SLC3A1: variants seen among roughly 807,000 people sequenced by gnomAD.
The protein encoded by SLC3A1 is solute carrier family 3 member 1.
A neutral mutation model predicts 60.3 loss-of-function variants in SLC3A1; 78 were observed. The ratio of observed to expected loss-of-function variants is 1.29; its 90% CI spans 1.08 to 1.56. The LOEUF is 1.56. Among genes scored for constraint, SLC3A1 ranks in the 40% most tolerant of loss-of-function variants. The pLI, the probability that SLC3A1 is intolerant of heterozygous loss-of-function variation, is 0.00. For synonymous variants in SLC3A1, 392 were observed against 307.9 expected, an observed-to-expected ratio of 1.27 and a Z score of -2.86; for missense variants, 1,172 against 858.9, an observed-to-expected ratio of 1.36 and a Z score of -4.56.
Position 44,300,048 on chromosome 2 carries a change from G to C in SLC3A1, c.969G>C (p.Lys323Asn). Residue 323 changes from lysine to asparagine, a missense_variant, in exon 5 of 10, where the codon AAG becomes AAC. Coordinates refer to ENST00000260649, the MANE Select transcript of SLC3A1 (RefSeq NM_000341.4). ...CTGTTAAATTCCTCCTAGAAGCAAA[G>C]CACCTGAGAGATGAGATCCAAGTAA... is the stretch of plus-strand genomic sequence containing the variant. ...LDAVKFLLEA[K>N]HLRDEIQVNK... 1 of 1,613,894 alleles carries C rather than the reference G, an allele frequency of 6.2e-7. No individual in the cohort carries two copies. The highest frequency in any genetic ancestry group is 8.5e-7 in the Non-Finnish European group (1 of 1,179,768).
At chr2:44,302,435 C>G (rs148244677) in intron 6 of SLC3A1, among the ~76,000 whole-genome samples, 1 of 152,292 alleles carries the variant, frequency 6.6e-6, no homozygotes, top group East Asian at 1.9e-4. Flanking sequence ...GAAATTTCAT[C>G]TCCTTAAAGT....
In SLC3A1 at chr2:44,285,872, G is replaced by A. The variant is rs1056693212; in HGVS notation, c.766-160G>A. The A allele has an allele frequency of 7.0e-6, 6 of 862,956 alleles. No individual in the cohort carries two copies. The Admixed American group carries it at 7.2e-5, about 10-fold the overall frequency. The allele number at this position is 862,956 out of a possible 1,614,324, so 53.5% of individuals were successfully genotyped here. ...GTGAGGCATTAGGCCAATGGGGTGGGGGGTATTTGGAAGGGGTTTCTTTAA... is the reference window on the plus strand; with the variant it reads ...GTGAGGCATTAGGCCAATGGGGTGGAGGGTATTTGGAAGGGGTTTCTTTAA... On this transcript the variant is annotated intron_variant, in intron 3 of 9. Transcript: ENST00000260649.
chr2:44,288,054 G>C (rs1671657731), intron 4 of SLC3A1, among the ~76,000 whole-genome samples: 1 of 147,816 alleles, frequency 6.8e-6, no homozygotes, highest in Non-Finnish European at 1.5e-5. Flanking sequence ...TTTTGAGACA[G>C]TCTTGCTCTG....
chr2:44,304,351 G>A lies in SLC3A1; in HGVS notation c.1332+13G>A. On this transcript the variant is annotated intron_variant, in intron 7 of 9. Transcript: ENST00000260649. ...GCCTAACTGGATGGTAAGTCCTCAT[G>A]ACAGCAGAGTACATAATGTGCTGCT... 4 of 1,595,706 alleles carry A rather than the reference G, an allele frequency of 2.5e-6. No homozygotes were observed. The highest frequency in any genetic ancestry group is 1.7e-6 in the Non-Finnish European group (2 of 1,163,080).
intron 3 of SLC3A1, among the ~76,000 whole-genome samples, chr2:44,284,588 G>T (rs1671572942): frequency 1.3e-5 from 2 of 151,802 alleles, no homozygotes; most frequent in Non-Finnish European, 2.9e-5. Context: ...TTTGTGTCAG[G>T]GTCTCATTCT....
intron 1 of SLC3A1, among the ~76,000 whole-genome samples, chr2:44,277,976 C>G (rs1671388102): frequency 1.3e-5 from 2 of 152,080 alleles, no homozygotes; most frequent in Admixed American, 6.6e-5. Flanking sequence ...GGGTGGGATC[C>G]CTTGTTTACT....
chr2:44,275,988 G>T, intron 1 of SLC3A1, 23 bp downstream of exon 1: 1 of 1,607,930 alleles, frequency 6.2e-7, no homozygotes, highest in Non-Finnish European at 8.5e-7. Context: ...AGATCATTTA[G>T]GGTGGGTGCC....
At chr2:44,307,333 A>C (rs6745281) in intron 7 of SLC3A1, among the ~76,000 whole-genome samples, 97,943 of 152,056 alleles carry the variant, frequency 0.64, 32,027 homozygotes, top group African/African-American at 0.68. Flanking sequence ...CATGTTTTCA[A>C]TTCTCTCTGA....
intron 1 of SLC3A1, among the ~76,000 whole-genome samples, chr2:44,280,222 G>C (rs1671462341): frequency 6.6e-6 from 1 of 152,058 alleles, no homozygotes; most frequent in Non-Finnish European, 1.5e-5. Flanking sequence ...ATTACTGATA[G>C]ATGACTAATT....
At chr2:44,277,103 CTTTTT>C (rs1222833364) in intron 1 of SLC3A1, among the ~76,000 whole-genome samples, 5 of 94,838 alleles carry the variant, frequency 5.3e-5, no homozygotes, top group African/African-American at 7.5e-5. Context: ...TCTCTCTCTT[CTTTTT>C]TTTTTTTTTT....
intron 4 of SLC3A1, among the ~76,000 whole-genome samples, chr2:44,286,533 ACGG>A (rs1191491727): frequency 2.8e-4 from 31 of 109,528 alleles, no homozygotes; most frequent in African/African-American, 9.2e-4. Flanking sequence ...GGTGCCTGTG[ACGG>A]TGAGCTGTGC....
Position 44,312,659 on chromosome 2 carries a change from T to C in SLC3A1, c.1406T>C (p.Leu469Pro). 1 of 1,613,874 alleles carries C rather than the reference T, an allele frequency of 6.2e-7. No individual in the cohort carries two copies. Among genetic ancestry groups the C allele is most frequent in the South Asian group, 1.1e-5 (1 of 91,080 alleles). Residue 469 changes from leucine to proline, a missense_variant, in exon 8 of 10, where the codon CTT becomes CCT. Coordinates refer to ENST00000260649, the MANE Select transcript of SLC3A1 (RefSeq NM_000341.4). ...TATGTCAACGTGATGAACATGCTTCTTTTCACACTCCCTGGAACTCCTATA... is the reference window on the plus strand; with the variant it reads ...TATGTCAACGTGATGAACATGCTTCCTTTCACACTCCCTGGAACTCCTATA... ...NQYVNVMNMLLFTLPGTPITY... is the reference protein window; with the variant it reads ...NQYVNVMNMLPFTLPGTPITY...
Position 44,320,258 on chromosome 2 carries a change from T to G in SLC3A1, c.1677T>G (p.His559Gln), listed in dbSNP as rs753053956. ...TATATCAAGATTTAAGTCTACTTCA[T>G]GCCAATGAGCTACTCCTCAACAGGG... is the stretch of plus-strand genomic sequence containing the variant. Reference protein sequence around the residue: ...LKLYQDLSLLHANELLLNRGW... With the variant: ...LKLYQDLSLLQANELLLNRGW... Residue 559 changes from histidine to glutamine, a missense_variant, in exon 10 of 10, where the codon CAT becomes CAG. Transcript: ENST00000260649. 2 of 1,614,120 alleles carry G rather than the reference T, an allele frequency of 1.2e-6. No homozygotes were observed. The highest frequency in any genetic ancestry group is 1.1e-5 in the South Asian group (1 of 91,084).
intron 6 of SLC3A1, 90 bp from the exon 7 acceptor site, chr2:44,304,053 C>G (rs1021613906): frequency 2.9e-5 from 28 of 960,986 alleles, no homozygotes; most frequent in Non-Finnish European, 4.8e-5. Flanking sequence ...TCAGCCCCTA[C>G]ATCTTGTACA....
intron 4 of SLC3A1, among the ~76,000 whole-genome samples, chr2:44,297,099 T>C (rs933237934): frequency 2.2e-4 from 34 of 152,190 alleles, no homozygotes; most frequent in African/African-American, 7.5e-4. Context: ...ATAGTTGTCA[T>C]TTGGGATCTG....
At chr2:44,304,677 C>A (rs1672107601) in intron 7 of SLC3A1, among the ~76,000 whole-genome samples, 1 of 152,046 alleles carries the variant, frequency 6.6e-6, no homozygotes, top group Non-Finnish European at 1.5e-5. Flanking sequence ...AGAAGAGGTA[C>A]ACAGCAATTC....
chr2:44,320,820 G>C lies in SLC3A1; in HGVS notation c.*181G>C, dbSNP rs1366244064. Reference sequence around the variant, plus strand: ...TTTGAAAAAAATAAAATGTTTAAAAGTAAATTATGGCTTATAGGAGCTTAT... The same window carrying C: ...TTTGAAAAAAATAAAATGTTTAAAACTAAATTATGGCTTATAGGAGCTTAT... On this transcript the variant is annotated 3_prime_UTR_variant, in exon 10 of 10. Transcript: ENST00000260649. The C allele has an allele frequency of 3.2e-6, 2 of 631,538 alleles. No individual in the cohort carries two copies. Among genetic ancestry groups the C allele is most frequent in the Non-Finnish European group, 5.6e-6 (2 of 359,178 alleles). 39.1% of individuals were successfully genotyped at this position (631,538 alleles called of 1,614,324 possible).
intron 2 of SLC3A1, 54 bp from the exon 3 acceptor site, chr2:44,281,333 A>G (rs533948176): frequency 6.7e-7 from 1 of 1,493,902 alleles, no homozygotes; most frequent in African/African-American, 1.4e-5. Context: ...GGCCTGTCAT[A>G]TGTTATTCTA....
intron 9 of SLC3A1, among the ~76,000 whole-genome samples, chr2:44,317,459 C>CAG (rs71393258): frequency 7.1e-6 from 1 of 141,606 alleles, no homozygotes; most frequent in African/African-American, 2.6e-5. Flanking sequence ...GAGATTGTGT[C>CAG]AAAAAAAAAA....
Sources: allele counts gnomAD v4.1 joint callset (sites outside exome capture counted in the v4.1 genomes callset), GRCh38; gene constraint gnomAD v4.1.1; transcripts MANE v1.5; gene names NCBI Gene and HGNC (gene_info 2026-07-23, HGNC 2026-07-21).